The following GATAD2A variants were observed in gnomAD, a reference collection of about 807,000 sequenced individuals.
GATAD2A encodes the protein transcriptional repressor p66-alpha.
GATAD2A carries 12 observed loss-of-function variants against 68.5 expected under a neutral mutation model. The observed-to-expected ratio is 0.18, with a 90% CI of 0.11 to 0.28. GATAD2A has a LOEUF of 0.28. Ranked by LOEUF, GATAD2A falls within the 10% of genes least tolerant of loss-of-function variation. The probability of loss-of-function intolerance (pLI) is 1.00; values close to 1 mark genes in which losing one functional copy is unlikely to be tolerated. For missense variants in GATAD2A, 755 were observed against 868.5 expected (o/e 0.87, Z 1.64); for synonymous variants, 410 against 375.3 (o/e 1.09, Z -1.07).
chr19:19,456,323 C>T (rs2056926563), intron 1 of GATAD2A, among the ~76,000 whole-genome samples: 2 of 152,186 alleles, frequency 1.3e-5, no homozygotes, highest in African/African-American at 2.4e-5. Flanking sequence ...TTATGGGCCA[C>T]ACCCTATCCC....
chr19:19,439,237 G>A (rs1366337847), intron 1 of GATAD2A, among the ~76,000 whole-genome samples: 1 of 152,258 alleles, frequency 6.6e-6, no homozygotes, highest in Non-Finnish European at 1.5e-5. Context: ...GTCTGCCCTT[G>A]AATTTGGCCT....
intron 1 of GATAD2A, among the ~76,000 whole-genome samples, chr19:19,417,820 T>C (rs571191571): frequency 6.6e-6 from 1 of 152,026 alleles, no homozygotes; most frequent in Non-Finnish European, 1.5e-5. Context: ...GAAGATTGGG[T>C]AGGGATTAAC....
In GATAD2A at chr19:19,504,811, G is replaced by C. The variant is rs1298743885; in HGVS notation, c.1775-533G>C. Among the ~76,000 whole-genome samples, 5 of 151,924 alleles carry C rather than the reference G, an allele frequency of 3.3e-5. No homozygotes were observed. The East Asian group carries it at 7.8e-4, about 24-fold the overall frequency. On this transcript the variant is annotated intron_variant, in intron 11 of 11. Transcript: ENST00000683918. The stretch of plus-strand genomic sequence containing the variant: ...CTACAGGGATGTGCCACCATGTCCA[G>C]CTGATATTTTTTTTAGAGATGGGGC...
chr19:19,460,129 C>T (rs2057295954), intron 1 of GATAD2A, among the ~76,000 whole-genome samples: 2 of 152,214 alleles, frequency 1.3e-5, no homozygotes, highest in South Asian at 4.1e-4. Flanking sequence ...TCAACAGGTC[C>T]TTCTGGGCCA....
intron 4 of GATAD2A, among the ~76,000 whole-genome samples, chr19:19,493,128 A>G (rs563517977): frequency 6.6e-6 from 1 of 152,078 alleles, no homozygotes; most frequent in African/African-American, 2.4e-5. Context: ...TTTAGTGGAG[A>G]CGGGGTTTCA....
intron 4 of GATAD2A, among the ~76,000 whole-genome samples, chr19:19,492,938 T>C (rs955579220): frequency 2.1e-5 from 3 of 144,972 alleles, no homozygotes; most frequent in Admixed American, 1.4e-4. Flanking sequence ...GGTCTAAAGC[T>C]CACTTTTTTT....
At chr19:19,407,852 TTC>T (rs905202876) in intron 1 of GATAD2A, among the ~76,000 whole-genome samples, 1 of 152,242 alleles carries the variant, frequency 6.6e-6, no homozygotes, top group African/African-American at 2.4e-5. Flanking sequence ...GCAAGGGATT[TTC>T]TGTATCCTCT....
At chr19:19,504,182 G>C (rs1236369411) in intron 11 of GATAD2A, among the ~76,000 whole-genome samples, 2 of 152,216 alleles carry the variant, frequency 1.3e-5, no homozygotes, top group African/African-American at 4.8e-5. Flanking sequence ...CTCCAGCCTT[G>C]GCAAGAGTGA....
chr19:19,422,716 GT>G (rs765812453), intron 1 of GATAD2A, among the ~76,000 whole-genome samples: 84 of 142,150 alleles, frequency 5.9e-4, no homozygotes, highest in East Asian at 2.2e-3. Context: ...TGTTTTTGTT[GT>G]TTTTTTTTTT....
Position 19,492,374 on chromosome 19 carries a change from C to T in GATAD2A, c.338C>T (p.Ser113Leu), listed in dbSNP as rs775354795. The T allele has an allele frequency of 3.7e-6, 6 of 1,613,076 alleles. No individual in the cohort carries two copies. Among genetic ancestry groups the T allele is most frequent in the South Asian group, 1.1e-5 (1 of 90,878 alleles). ...VIVLSDNEQPSSPRVNGLTTV... is the reference protein window; with the variant it reads ...VIVLSDNEQPLSPRVNGLTTV... ...GTGCTCTCCGACAACGAGCAGCCCT[C>T]GAGCCCGAGAGTGAATGGGCTGACC... The change falls in exon 3 of 12, where the codon TCG becomes TTG. Residue 113 changes from serine to leucine, a missense_variant. Ser to Leu is a moderately radical substitution (Grantham distance 145). Coordinates refer to ENST00000683918, the MANE Select transcript of GATAD2A (RefSeq NM_001384528.1).
At chr19:19,501,484 G>C (rs943565858) in intron 9 of GATAD2A, 68 bp downstream of exon 9, 2 of 1,223,152 alleles carry the variant, frequency 1.6e-6, no homozygotes, top group African/African-American at 1.5e-5. Flanking sequence ...TCCACCCCAC[G>C]CCTGCGCTGC....
chr19:19,436,038 A>T, intron 1 of GATAD2A: 1 of 558,272 alleles, frequency 1.8e-6, no homozygotes, highest in Non-Finnish European at 3.1e-6. Flanking sequence ...TTTGCTATGT[A>T]ATTCCAGGGG....
At chr19:19,476,286 C>A (rs2058673336) in intron 2 of GATAD2A, among the ~76,000 whole-genome samples, 1 of 152,156 alleles carries the variant, frequency 6.6e-6, no homozygotes, top group Admixed American at 6.5e-5. Context: ...TTAAGCAGAC[C>A]TCTTCCTTCT....
Position 19,392,719 on chromosome 19 carries a change from C to T in GATAD2A, c.-7+6581C>T, listed in dbSNP as rs540301433. Among the ~76,000 whole-genome samples, 11 of 137,982 alleles carry T rather than the reference C, an allele frequency of 8.0e-5. 1 individual carries two copies. The highest frequency in any genetic ancestry group is 3.0e-4 in the Admixed American group (4 of 13,464). 90.5% of individuals were successfully genotyped at this position (137,982 alleles called of 152,430 possible). On this transcript the variant is annotated intron_variant, in intron 1 of 11. Transcript: ENST00000360315. Reference sequence around the variant, plus strand: ...TTTTTTTTTTTTTTTTGAAACAGAGCAGAGTCTTGCTCTGTCACCCAGCCT... The same window carrying T: ...TTTTTTTTTTTTTTTTGAAACAGAGTAGAGTCTTGCTCTGTCACCCAGCCT...
Position 19,502,433 on chromosome 19 carries a change from C to T in GATAD2A, c.1681C>T (p.Leu561=), listed in dbSNP as rs1206594208. 2 of 1,613,690 alleles carry T rather than the reference C, an allele frequency of 1.2e-6. No homozygotes were observed. Among genetic ancestry groups the T allele is most frequent in the South Asian group, 2.2e-5 (2 of 91,088 alleles). Reference sequence around the variant, plus strand: ...GCAGAACTCAGCCTCGGCCACAGCCCTGGTCAGCAGGACCGGCAGACATTC... The same window carrying T: ...GCAGAACTCAGCCTCGGCCACAGCCTTGGTCAGCAGGACCGGCAGACATTC... ...KLQNSASATA[L]VSRTGRHSER... The change falls in exon 11 of 12, where the codon CTG becomes TTG. Residue 561 remains leucine, a synonymous_variant. Transcript: ENST00000683918.
rs541934878 is a variant in GATAD2A, at chr19:19,501,246, A to G, written c.1333A>G (p.Thr445Ala). Residue 445 changes from threonine to alanine, a missense_variant, in exon 9 of 12, where the codon ACC becomes GCC. By Grantham distance (58) the Thr-to-Ala change is moderately conservative. Coordinates refer to ENST00000683918, the MANE Select transcript of GATAD2A (RefSeq NM_001384528.1). ...GAIMCENCMT[T>A]NQKKALKVEH... ...CATCATGTGTGAGAACTGCATGACA[A>G]CCAACCAGAAGAAGGCGCTCAAGGT... The G allele has an allele frequency of 9.3e-6, 15 of 1,613,398 alleles. No homozygotes were observed. In the African/African-American group the frequency reaches 1.7e-4, roughly 19 times the overall value.
chr19:19,402,396 G>A (rs962791185), upstream of GATAD2A: 2 of 147,830 alleles, frequency 1.4e-5, no homozygotes, highest in African/African-American at 4.9e-5. Context: ...TGTTTTGAAA[G>A]TACAGTATTG....
At chr19:19,495,915 C>T in intron 6 of GATAD2A, 30 bp downstream of exon 6, 1 of 1,601,928 alleles carries the variant, frequency 6.2e-7, no homozygotes, top group Non-Finnish European at 8.5e-7. Context: ...TGGGGGAGAC[C>T]TGGCAGCCTC....
intron 1 of GATAD2A, chr19:19,428,136 C>T (rs912137703): frequency 1.3e-5 from 2 of 152,196 alleles, no homozygotes; most frequent in East Asian, 1.9e-4. Flanking sequence ...GTTCTTGTGA[C>T]ATTTTCTTCT....
Sources: gnomAD v4.1 joint callset for allele counts (sites outside exome capture counted in the v4.1 genomes callset) on GRCh38, gnomAD v4.1.1 for gene constraint, MANE v1.5 for transcripts, NCBI Gene and HGNC (gene_info 2026-07-23, HGNC 2026-07-21) for gene names.